The following ADGRL2 variants were observed in gnomAD, a reference collection of about 807,000 sequenced individuals.
ADGRL2 encodes the protein calcium-independent alpha-latrotoxin receptor 2.
Under a neutral mutation model 157.4 loss-of-function variants are expected in ADGRL2, and 44 were observed. The ratio of observed to expected loss-of-function variants is 0.28; its 90% CI spans 0.22 to 0.36. ADGRL2 has a LOEUF of 0.36. Among genes scored for constraint, ADGRL2 ranks in the 10% least tolerant of loss-of-function variants. The probability of loss-of-function intolerance (pLI) is 1.00; values close to 1 mark genes in which losing one functional copy is unlikely to be tolerated. For synonymous variants in ADGRL2, 585 were observed against 624.7 expected (o/e 0.94, Z 0.95); for missense variants, 1,510 against 1,768.9 (o/e 0.85, Z 2.63).
At chr1:81,876,505 C>T (rs146055214) in intron 2 of ADGRL2, among the ~76,000 whole-genome samples, 27 of 152,168 alleles carry the variant, frequency 1.8e-4, no homozygotes, top group African/African-American at 6.3e-4. Flanking sequence ...TCTATTAAAT[C>T]CTTTCAGACC....
chr1:81,970,885 G>A (rs1310972679), intron 16 of ADGRL2, among the ~76,000 whole-genome samples: 1 of 152,152 alleles, frequency 6.6e-6, no homozygotes, highest in Admixed American at 6.6e-5. Flanking sequence ...TTAAGCTAAT[G>A]CTTCATTAGC....
At chr1:81,959,246 G>T (rs1654564555) in intron 11 of ADGRL2, among the ~76,000 whole-genome samples, 1 of 152,082 alleles carries the variant, frequency 6.6e-6, no homozygotes, top group Non-Finnish European at 1.5e-5. Flanking sequence ...TTCTGTGATT[G>T]CTAAGTAACA....
At chr1:81,568,572 T>C (rs2080614833) in intron 2 of ADGRL2, among the ~76,000 whole-genome samples, 1 of 152,148 alleles carries the variant, frequency 6.6e-6, no homozygotes. Flanking sequence ...AGCAATAAAT[T>C]TGAAACAGGT....
At chr1:81,816,980 A>G (rs1216683722) in intron 1 of ADGRL2, among the ~76,000 whole-genome samples, 1 of 149,722 alleles carries the variant, frequency 6.7e-6, no homozygotes, top group Non-Finnish European at 1.5e-5. Context: ...TTTTTCAAGT[A>G]TATTTAGGGG....
At chr1:81,319,654 T>A (rs1037176752) in intron 1 of ADGRL2, among the ~76,000 whole-genome samples, 1 of 152,238 alleles carries the variant, frequency 6.6e-6, no homozygotes, top group African/African-American at 2.4e-5. Flanking sequence ...CTAAAATAAT[T>A]GTAAGTCAAA....
chr1:81,378,101 C>T (rs1171075467), intron 1 of ADGRL2, among the ~76,000 whole-genome samples: 1 of 152,032 alleles, frequency 6.6e-6, no homozygotes, highest in Non-Finnish European at 1.5e-5. Flanking sequence ...ATCGCTTGAA[C>T]CCAGGAGGCA....
chr1:81,349,781 A>G (rs1174556235), intron 1 of ADGRL2, among the ~76,000 whole-genome samples: 2 of 152,146 alleles, frequency 1.3e-5, no homozygotes, highest in African/African-American at 4.8e-5. Context: ...ATATCAGATC[A>G]GACCACATAT....
At chr1:81,883,720 T>C (rs1248824510) in intron 2 of ADGRL2, among the ~76,000 whole-genome samples, 1 of 152,150 alleles carries the variant, frequency 6.6e-6, no homozygotes, top group Non-Finnish European at 1.5e-5. Context: ...GCACTCTATC[T>C]GGATTTTTGT....
intron 2 of ADGRL2, among the ~76,000 whole-genome samples, chr1:81,488,109 A>G (rs2078548494): frequency 6.6e-6 from 1 of 151,756 alleles, no homozygotes; most frequent in Admixed American, 6.6e-5. Context: ...AATGAGCACC[A>G]TTTTTCCCCT....
chr1:81,580,185 G>A (rs969982768), intron 2 of ADGRL2, among the ~76,000 whole-genome samples: 2 of 152,146 alleles, frequency 1.3e-5, no homozygotes, highest in African/African-American at 4.8e-5. Context: ...CTTGGTGAAT[G>A]AAGTATTGTG....
intron 2 of ADGRL2, among the ~76,000 whole-genome samples, chr1:81,765,256 C>T (rs945384044): frequency 5.9e-5 from 9 of 151,816 alleles, no homozygotes; most frequent in African/African-American, 2.4e-5. Context: ...ACTGGGAAAT[C>T]AAATGTTTAA....
intron 2 of ADGRL2, among the ~76,000 whole-genome samples, chr1:81,552,724 T>C (rs545025993): frequency 6.6e-6 from 1 of 151,958 alleles, no homozygotes; most frequent in East Asian, 1.9e-4. Flanking sequence ...AATTTTCACA[T>C]ATTGCTCAAG....
chr1:81,530,916 C>G (rs772944063), intron 2 of ADGRL2, among the ~76,000 whole-genome samples: 1 of 151,756 alleles, frequency 6.6e-6, no homozygotes, highest in South Asian at 2.1e-4. Context: ...AACTCCATCT[C>G]TACTAAAAAC....
intron 2 of ADGRL2, among the ~76,000 whole-genome samples, chr1:81,771,656 T>TA (rs796826005): frequency 1.3e-5 from 2 of 151,676 alleles, no homozygotes; most frequent in South Asian, 4.2e-4. Context: ...AGAATCTAGT[T>TA]ACACTGGTCC....
chr1:81,554,123 TA>T (rs2080215116), intron 2 of ADGRL2, among the ~76,000 whole-genome samples: 1 of 152,250 alleles, frequency 6.6e-6, no homozygotes, highest in South Asian at 2.1e-4. Context: ...TCACCCATTT[TA>T]CACTATTTTC....
chr1:81,844,908 T>C (rs1204531435), intron 2 of ADGRL2, among the ~76,000 whole-genome samples: 1 of 151,836 alleles, frequency 6.6e-6, no homozygotes, highest in African/African-American at 2.4e-5. Context: ...CTTAAAAGTG[T>C]TTTTTTTCTT....
At chr1:81,607,591 G>C (rs17456217) in intron 3 of ADGRL2, among the ~76,000 whole-genome samples, 19,100 of 152,182 alleles carry the variant, frequency 0.13, 1,651 homozygotes, top group Non-Finnish European at 0.18. Context: ...ATGAAATTCA[G>C]GAGGTAAGAA....
intron 17 of ADGRL2, among the ~76,000 whole-genome samples, chr1:81,977,940 C>T (rs959795031): frequency 6.6e-6 from 1 of 151,686 alleles, no homozygotes; most frequent in Admixed American, 6.6e-5. Flanking sequence ...ATCTGCAAAG[C>T]AGCCATCTTA....
intron 2 of ADGRL2, among the ~76,000 whole-genome samples, chr1:81,471,992 C>T (rs1439794344): frequency 6.6e-6 from 1 of 152,090 alleles, no homozygotes; most frequent in Non-Finnish European, 1.5e-5. Flanking sequence ...ATCTCTAACC[C>T]TCAAATTACA....
Sources: gnomAD v4.1 joint callset for allele counts (sites outside exome capture counted in the v4.1 genomes callset) on GRCh38, gnomAD v4.1.1 for gene constraint, MANE v1.5 for transcripts, NCBI Gene and HGNC (gene_info 2026-07-23, HGNC 2026-07-21) for gene names.